CCNF: variants seen among roughly 807,000 people sequenced by gnomAD.
CCNF encodes cyclin-F.
Under a neutral mutation model 85.4 loss-of-function variants are expected in CCNF, and 30 were observed. The ratio of observed to expected loss-of-function variants is 0.35; its 90% CI spans 0.26 to 0.48. The LOEUF (loss-of-function observed/expected upper bound fraction) is 0.48, where lower values mean the gene tolerates loss of function less well. CCNF is among the 20% of genes least tolerant of loss of function. The pLI, the probability that CCNF is intolerant of heterozygous loss-of-function variation, is 0.99. For missense variants in CCNF, 919 were observed against 1,010.4 expected, an observed-to-expected ratio of 0.91 and a Z score of 1.23; for synonymous variants, 439 against 425.1, an observed-to-expected ratio of 1.03 and a Z score of -0.40.
chr16:2,448,774 C>G, intron 10 of CCNF, 81 bp from the exon 11 acceptor site: 1 of 1,335,574 alleles, frequency 7.5e-7, no homozygotes, highest in Non-Finnish European at 1.0e-6. Flanking sequence ...ACCTTGAGGC[C>G]TCCTAAAGCC....
In CCNF at chr16:2,439,445, C is replaced by T. The variant is rs1258408381; in HGVS notation, c.687C>T (p.Asp229=). The change falls in exon 7 of 17, where the codon GAC becomes GAT. Residue 229 remains aspartate, a synonymous_variant. Coordinates refer to ENST00000397066, the MANE Select transcript of CCNF (RefSeq NM_001761.3). ...LTSSYLLWES[D]RRTDVSDPGR... ...GCTCCTACCTCCTCTGGGAAAGCGA[C>T]AGGAGGACAGATGTGAGTGGTGCCT... 1 of 1,608,718 alleles carries T rather than the reference C, an allele frequency of 6.2e-7. No individual in the cohort carries two copies.
chr16:2,429,601 A>G (rs2065252496), intron 1 of CCNF, 104 bp downstream of exon 1: 1 of 1,090,822 alleles, frequency 9.2e-7, no homozygotes. Flanking sequence ...GGCGGCCTGA[A>G]GAGGGCTGGC....
Position 2,455,618 on chromosome 16 carries a change from C to T in CCNF, c.1885+54C>T, listed in dbSNP as rs1446159128. 4.6e-6 allele frequency: 7 copies of T among 1,534,942 alleles called. No individual in the cohort carries two copies. In the African/African-American group the frequency reaches 9.6e-5, roughly 21 times the overall value. On this transcript the variant is annotated intron_variant, in intron 16 of 16. Coordinates refer to ENST00000397066, the MANE Select transcript of CCNF (RefSeq NM_001761.3). The stretch of plus-strand genomic sequence containing the variant: ...GGGACATCACACAGAGGGTGGCTCT[C>T]ACCGAGGGCCTCTGGGCACCCGGCC...
Position 2,435,864 on chromosome 16 carries a change from A to G in CCNF, c.337A>G (p.Asn113Asp). ...GAAGCTGGGCATAGCCTACCTCTAC[A>G]ATGAAGGCCGTAAGTCCTCACCCCA... ...AVKLGIAYLYNEGLSVSDEAR... is the reference protein window; with the variant it reads ...AVKLGIAYLYDEGLSVSDEAR... Residue 113 changes from asparagine to aspartate, a missense_variant, in exon 4 of 17, where the codon AAT (asparagine) becomes GAT (aspartate). Asn to Asp is a conservative substitution (Grantham distance 23). This residue lies in a region of CCNF where 410 missense variants were observed against 478.6 expected (regional missense o/e 0.86). Coordinates refer to ENST00000397066, the MANE Select transcript of CCNF (RefSeq NM_001761.3). 1 of 1,613,096 alleles carries G rather than the reference A, an allele frequency of 6.2e-7. No homozygotes were observed. Among genetic ancestry groups the G allele is most frequent in the Non-Finnish European group, 8.5e-7 (1 of 1,179,262 alleles).
At position 2,453,049 on chromosome 16, in the gene CCNF, C is replaced by G. The variant is rs2065403498; in HGVS notation, c.1488-161C>G. On this transcript the variant is annotated intron_variant, in intron 13 of 16. Coordinates refer to ENST00000397066, the MANE Select transcript of CCNF (RefSeq NM_001761.3). This position sits in a 1 kb window ranked among gnomAD's most constrained non-coding sequence, Gnocchi z 5.6. ...TGGGTCTTTACCTAGAGAGGAATTG[C>G]TAGGTCCTGTGGTGACTGAGTTTAA... The G allele has an allele frequency of 1.6e-6, 1 of 639,574 alleles. No homozygotes were observed. The allele number at this position is 639,574 out of a possible 1,614,324, so 39.6% of individuals were successfully genotyped here.
chr16:2,443,627 A>G, intron 8 of CCNF, 22 bp from the exon 9 acceptor site: 1 of 1,608,894 alleles, frequency 6.2e-7, no homozygotes, highest in Non-Finnish European at 8.5e-7. Context: ...TCTCACGCTC[A>G]TGTTTGTCTT....
At chr16:2,447,846 C>A (rs2065370555) in intron 10 of CCNF, among the ~76,000 whole-genome samples, 1 of 152,182 alleles carries the variant, frequency 6.6e-6, no homozygotes, top group South Asian at 2.1e-4. Context: ...CCACGCTGGG[C>A]TCTCATTGGC....
intron 12 of CCNF, 105 bp from the exon 13 acceptor site, chr16:2,449,723 C>G (rs1191617319): frequency 1.2e-6 from 1 of 819,812 alleles, no homozygotes; most frequent in Non-Finnish European, 2.1e-6. Context: ...GCCCACAGAG[C>G]TATAGAGCGG....
chr16:2,434,308 A>T (rs1337961705), intron 3 of CCNF, among the ~76,000 whole-genome samples: 1 of 151,708 alleles, frequency 6.6e-6, no homozygotes, highest in Non-Finnish European at 1.5e-5. Flanking sequence ...TGTCTCAAAA[A>T]AATAATAATA....
At chr16:2,435,052 C>T (rs1013717880) in intron 3 of CCNF, among the ~76,000 whole-genome samples, 6 of 151,508 alleles carry the variant, frequency 4.0e-5, no homozygotes, top group Non-Finnish European at 7.4e-5. Context: ...CAGATCGAGA[C>T]CATCCTGGCT....
At chr16:2,455,634 G>A in intron 16 of CCNF, 70 bp downstream of exon 16, 10 of 1,511,276 alleles carry the variant, frequency 6.6e-6, no homozygotes, top group Non-Finnish European at 8.9e-6. Flanking sequence ...GGGCCTCTGG[G>A]CACCCGGCCC....
chr16:2,430,908 A>G, intron 1 of CCNF: 1 of 714,058 alleles, frequency 1.4e-6, no homozygotes. Context: ...ATATTTGTTG[A>G]ATATTTGAAA....
intron 5 of CCNF, 112 bp downstream of exon 5, chr16:2,437,434 G>A (rs1461712805): frequency 5.3e-6 from 4 of 749,250 alleles, no homozygotes; most frequent in South Asian, 2.2e-5. Context: ...TAAGGGAAGT[G>A]AAGATGCAGA....
rs7201859 is a variant in CCNF, at chr16:2,439,105, C to T, written c.595-248C>T. On this transcript the variant is annotated intron_variant, in intron 6 of 16. Transcript: ENST00000397066. Reference sequence around the variant, plus strand: ...CTGAGGCCAGGATTTTGAGACCAGCCTGGCCAACATGGTGAAACCCCGTCT... The same window carrying T: ...CTGAGGCCAGGATTTTGAGACCAGCTTGGCCAACATGGTGAAACCCCGTCT... Among the ~76,000 whole-genome samples the T allele has an allele frequency of 0.71, 108,171 of 151,518 alleles. 38,909 individuals carry two copies. Among genetic ancestry groups the T allele is most frequent in the East Asian group, 0.86 (4,432 of 5,126 alleles).
rs752524830 is a variant in CCNF, at chr16:2,449,417, C to G, written c.1354C>G (p.Leu452Val). Residue 452 changes from leucine to valine, a missense_variant, in exon 12 of 17, where the codon CTG becomes GTG. Physicochemically the swap from Leu to Val is conservative, Grantham distance 32 (BLOSUM62 1). Around this residue, in one of 3 missense-constraint regions of CCNF, gnomAD observed 505 missense variants for 514.8 expected, o/e 0.98. Transcript: ENST00000397066. ...TSLSAYAPARLAAAALLLARL... is the reference protein window; with the variant it reads ...TSLSAYAPARVAAAALLLARL... ...CCTGTCCGCCTACGCCCCAGCCCGC[C>G]TGGCTGCCGCAGCCCTGCTCCTGGC... is the stretch of plus-strand genomic sequence containing the variant. The G allele has an allele frequency of 1.9e-6, 3 of 1,610,134 alleles. No homozygotes were observed. In the South Asian group the frequency reaches 3.3e-5, roughly 18 times the overall value.
intron 15 of CCNF, among the ~76,000 whole-genome samples, chr16:2,454,461 G>A (rs115509745): frequency 1.2e-3 from 188 of 152,322 alleles, no homozygotes; most frequent in African/African-American, 4.2e-3. Context: ...GCTCAGCCTC[G>A]CTGTGTTAAA....
In CCNF at chr16:2,453,194, G is replaced by T; in HGVS notation, c.1488-16G>T. ...GGGGTGCCTCACATGTCCACTCCACGTGACTCTGTTTCCAGCTTCCATGAT... is the reference window on the plus strand; with the variant it reads ...GGGGTGCCTCACATGTCCACTCCACTTGACTCTGTTTCCAGCTTCCATGAT... On this transcript the variant is annotated splice_polypyrimidine_tract_variant and intron_variant, in intron 13 of 16. Coordinates refer to ENST00000397066, the MANE Select transcript of CCNF (RefSeq NM_001761.3). The surrounding 1 kb of genome is among the most constrained non-coding windows in gnomAD (Gnocchi z 5.6). 2 of 1,612,712 alleles carry T rather than the reference G, an allele frequency of 1.2e-6. No homozygotes were observed. The highest frequency in any genetic ancestry group is 1.7e-4 in the Middle Eastern group (1 of 6,060).
chr16:2,432,692 A>G (rs1053952057), intron 2 of CCNF, among the ~76,000 whole-genome samples: 2 of 152,120 alleles, frequency 1.3e-5, no homozygotes, highest in African/African-American at 4.8e-5. Context: ...AGGGATGTTG[A>G]ACCCTCTTTC....
rs71386672 is a variant in CCNF at position 2,444,180 on chromosome 16, A to C, written c.929+380A>C. ...GTGATCCGCCCGCTTTGGCCTCCCA[A>C]AGTGCTGGGATTACAGGCGTGAGCC... On this transcript the variant is annotated intron_variant, in intron 9 of 16. Transcript: ENST00000397066. 6.8e-3 allele frequency among the ~76,000 whole-genome samples: 1,028 copies of C among 151,978 alleles called. 14 individuals carry two copies. Among genetic ancestry groups the C allele is most frequent in the Non-Finnish European group, 0.011 (730 of 67,978 alleles).
Sources: gnomAD v4.1 joint callset for allele counts (sites outside exome capture counted in the v4.1 genomes callset) on GRCh38, gnomAD v4.1.1 for gene constraint, gnomAD v4.1.1 regional missense constraint, Gnocchi (gnomAD v3.1) non-coding constraint, MANE v1.5 for transcripts, NCBI Gene and HGNC (gene_info 2026-07-23, HGNC 2026-07-21) for gene names.